Variants in ADAR observed in about 807,000 individuals in gnomAD.
ADAR encodes the protein adenosine deaminase RNA specific.
In ADAR, 41 loss-of-function variants were observed where a neutral mutation model predicts 113.2. The ratio of observed to expected loss-of-function variants is 0.36; its 90% CI spans 0.28 to 0.47. ADAR has a LOEUF of 0.47. Among genes scored for constraint, ADAR ranks in the 20% least tolerant of loss-of-function variants. The pLI is 1.00. For synonymous variants in ADAR, 605 were observed against 572.6 expected (o/e 1.06, Z -0.81); for missense variants, 1,242 against 1,540.9 (o/e 0.81, Z 3.25).
chr1:154,623,916 T>C (rs1036029103), intron 1 of ADAR, among the ~76,000 whole-genome samples: 2 of 151,178 alleles, frequency 1.3e-5, no homozygotes, highest in African/African-American at 4.9e-5. Flanking sequence ...GGCAGGAGAA[T>C]CACTTGAACC....
In ADAR at chr1:154,584,920, G is replaced by A. The variant is rs370464259; in HGVS notation, c.3567C>T (p.Ala1189=). Residue 1189 remains alanine (A), a synonymous_variant, in exon 15 of 15, where the codon GCC becomes GCT. Coordinates refer to ENST00000368474, the MANE Select transcript of ADAR (RefSeq NM_001111.5). ...AGTTCTTGGCCGTCTCGTAGTCACG[G>A]GCAGCTTTCTTGGCCTCACCATAGG... The part of the protein sequence containing the change: ...RLSYGEAKKA[A]RDYETAKNYF... The A allele has an allele frequency of 6.2e-7, 1 of 1,613,956 alleles. No individual in the cohort carries two copies. The highest frequency in any genetic ancestry group is 1.3e-5 in the African/African-American group (1 of 74,876).
chr1:154,617,249 T>C (rs1485519870), intron 1 of ADAR, among the ~76,000 whole-genome samples: 1 of 152,184 alleles, frequency 6.6e-6, no homozygotes. Context: ...ACCTACCTCA[T>C]CCCTCATTGC....
intron 1 of ADAR, among the ~76,000 whole-genome samples, chr1:154,625,962 T>A (rs1698922356): frequency 7.7e-6 from 1 of 130,326 alleles, no homozygotes; most frequent in African/African-American, 3.0e-5. Flanking sequence ...TGAGATCGCA[T>A]CATTGCACTC....
intron 2 of ADAR, among the ~76,000 whole-genome samples, chr1:154,599,351 A>AT (rs1169681368): frequency 6.6e-6 from 1 of 152,174 alleles, no homozygotes; most frequent in Non-Finnish European, 1.5e-5. Context: ...ACATGGCACC[A>AT]ATGTTTCTTT....
chr1:154,595,971 G>T (rs1248335205), intron 6 of ADAR, among the ~76,000 whole-genome samples: 2 of 152,114 alleles, frequency 1.3e-5, no homozygotes, highest in Admixed American at 1.3e-4. Context: ...GTGTGTTGCA[G>T]CTGCCCACAG....
At chr1:154,606,653 T>C (rs185848312) in intron 1 of ADAR, among the ~76,000 whole-genome samples, 2 of 152,214 alleles carry the variant, frequency 1.3e-5, no homozygotes, top group East Asian at 3.9e-4. Flanking sequence ...GTACAGCCAT[T>C]TGGAAAGCTA....
At chr1:154,589,989 C>A (rs1226925893) in intron 7 of ADAR, 61 bp from the exon 8 acceptor site, 1 of 1,600,634 alleles carries the variant, frequency 6.2e-7, no homozygotes, top group East Asian at 2.2e-5. Flanking sequence ...CCATATTCAC[C>A]GTGGGCAGGG....
intron 7 of ADAR, 46 bp downstream of exon 7, chr1:154,590,138 A>AGGGGGGGGGGGGGGGGGGGGGG: frequency 5.1e-6 from 6 of 1,173,768 alleles, no homozygotes; most frequent in Non-Finnish European, 7.4e-6. Context: ...AGGAGTTAGG[A>AGGGGGGGGGGGGGGGGGGGGGG]GGACCCCCCC....
At chr1:154,608,593 C>G (rs1035670447), upstream of ADAR, among the ~76,000 whole-genome samples, 1 of 151,276 alleles carries the variant, frequency 6.6e-6, no homozygotes, top group East Asian at 1.9e-4. Context: ...CCGCCCACCT[C>G]GGCCTCCCAA....
intron 6 of ADAR, among the ~76,000 whole-genome samples, chr1:154,592,369 C>T (rs9427096): frequency 4.9e-4 from 74 of 152,300 alleles, no homozygotes; most frequent in Non-Finnish European, 9.1e-4. Flanking sequence ...TGAGATCTTA[C>T]ATTTCTTTAG....
rs1338379130 is a variant in ADAR at position 154,588,712 on chromosome 1, T to G, written c.2763-39A>C. ...GTCTGGTTAGGAAGGCAGGTTCAAT[T>G]CTGGGAAAAGCAGTTGTTTCTATAA... On this transcript the variant is annotated intron_variant, in intron 9 of 14. Coordinates refer to ENST00000368474, the MANE Select transcript of ADAR (RefSeq NM_001111.5). 3.1e-6 allele frequency: 5 copies of G among 1,613,760 alleles called. No individual in the cohort carries two copies. The South Asian group carries it at 5.5e-5, about 18-fold the overall frequency.
Position 154,601,494 on chromosome 1 carries a change from G to T in ADAR, c.1148C>A (p.Thr383Asn). 1 of 1,614,034 alleles carries T rather than the reference G, an allele frequency of 6.2e-7. No individual in the cohort carries two copies. Among genetic ancestry groups the T allele is most frequent in the Non-Finnish European group, 8.5e-7 (1 of 1,180,010 alleles). The change falls in exon 2 of 15, where the codon ACC becomes AAC. Residue 383 changes from threonine to asparagine, a missense_variant. Thr to Asn is a moderately conservative substitution (Grantham distance 65). Transcript: ENST00000368474. The surrounding 1 kb of genome is among the most constrained non-coding windows in gnomAD (Gnocchi z 4.7). Reference protein sequence around the residue: ...PETAPAAIPETKRNAEFLTCN... With the variant: ...PETAPAAIPENKRNAEFLTCN... ...GGTGAGGAACTCTGCGTTTCTTTTG[G>T]TCTCAGGGATTGCAGCTGGAGCGGT...
intron 6 of ADAR, among the ~76,000 whole-genome samples, 172 bp downstream of exon 6, chr1:154,596,633 T>C (rs760647674): frequency 2.0e-5 from 3 of 152,202 alleles, no homozygotes; most frequent in Non-Finnish European, 1.5e-5. Flanking sequence ...AGTGAACGCA[T>C]TCACTCTTGG....
At chr1:154,586,884 G>C (rs72999485) in intron 11 of ADAR, among the ~76,000 whole-genome samples, 10,948 of 152,218 alleles carry the variant, frequency 0.072, 432 homozygotes, top group East Asian at 0.17. Context: ...AGTGGCATGA[G>C]AGGAGGCCGG....
In ADAR at chr1:154,602,518, T is replaced by C. The variant is rs769628548; in HGVS notation, c.124A>G (p.Lys42Glu). 1 of 1,614,212 alleles carries C rather than the reference T, an allele frequency of 6.2e-7. No individual in the cohort carries two copies. The highest frequency in any genetic ancestry group is 1.1e-5 in the South Asian group (1 of 91,090). ...TGCCCCTTGAGAAATTCTATTTGCT[T>C]AAGCAGGAAACTACTGGGGGAAGAT... The part of the protein sequence containing the change: ...PGSSPSSFLL[K>E]QIEFLKGQLP... Residue 42 changes from lysine (K) to glutamate (E), a missense_variant, in exon 2 of 15, where the codon AAG becomes GAG. By Grantham distance (56) the Lys-to-Glu change is moderately conservative. Transcript: ENST00000368474.
At position 154,582,573 on chromosome 1, in the gene ADAR, T is replaced by A. The variant is rs1419409860; in HGVS notation, c.*2233A>T. 6.6e-6 allele frequency: 1 copy of A among 152,082 alleles called. No individual in the cohort carries two copies. The highest frequency in any genetic ancestry group is 2.4e-5 in the African/African-American group (1 of 41,360). 9.4% of individuals were successfully genotyped at this position (152,082 alleles called of 1,614,324 possible). A position where few individuals can be genotyped will look rare whatever the true frequency, so the allele number is the denominator to read the frequency against. On this transcript the variant is annotated 3_prime_UTR_variant, in exon 15 of 15. Coordinates refer to ENST00000368474, the MANE Select transcript of ADAR (RefSeq NM_001111.5). ...CTCGCTCTCTTCCTACAACAGAAAC[T>A]GAATACTACAGGCTTGCTAGATAAG...
intron 2 of ADAR, among the ~76,000 whole-genome samples, chr1:154,599,577 T>C (rs1403263707): frequency 1.3e-5 from 2 of 149,562 alleles, no homozygotes; most frequent in Non-Finnish European, 3.0e-5. Flanking sequence ...AGACAAGGAA[T>C]AAGGGCCCTA....
rs781394377 is a variant in ADAR at position 154,597,838 on chromosome 1, G to A, written c.1924C>T (p.His642Tyr). 2 of 1,614,142 alleles carry A rather than the reference G, an allele frequency of 1.2e-6. No homozygotes were observed. Among genetic ancestry groups the A allele is most frequent in the Admixed American group, 3.3e-5 (2 of 60,020 alleles). ...FRLLSKEGPA[H>Y]EPKFQYCVAV... is the part of the protein sequence containing the mutation. Reference sequence around the variant, plus strand: ...ACACGTAGGACATACTTGGGTTCATGGGCAGGGCCTTCTTTGGACAGGAGA... The same window carrying A: ...ACACGTAGGACATACTTGGGTTCATAGGCAGGGCCTTCTTTGGACAGGAGA... Residue 642 changes from histidine to tyrosine, a missense_variant, in exon 4 of 15, where the codon CAT becomes TAT. Around this residue, in one of 2 missense-constraint regions of ADAR, gnomAD observed 780 missense variants for 1,057.9 expected, o/e 0.74. Coordinates refer to ENST00000368474, the MANE Select transcript of ADAR (RefSeq NM_001111.5).
chr1:154,585,193 C>G lies in ADAR; in HGVS notation c.3443+24G>C, dbSNP rs756399730. 23 of 1,614,134 alleles carry G rather than the reference C, an allele frequency of 1.4e-5. No homozygotes were observed. In the South Asian group the frequency reaches 2.5e-4, roughly 18 times the overall value. On this transcript the variant is annotated intron_variant, in intron 14 of 14. Transcript: ENST00000368474. ...CAAGTCAGGGCAGAGGCTTGGTCCT[C>G]ACTGCGCTCTCCTGTCTCCTTACCC... is the stretch of plus-strand genomic sequence containing the variant.
Sources: allele counts gnomAD v4.1 joint callset (sites outside exome capture counted in the v4.1 genomes callset), GRCh38; gene constraint gnomAD v4.1.1; regional missense constraint gnomAD v4.1.1; non-coding constraint Gnocchi (gnomAD v3.1); transcripts MANE v1.5; gene names NCBI Gene and HGNC (gene_info 2026-07-23, HGNC 2026-07-21).